The following BAIAP2 variants were observed in gnomAD, a reference collection of about 807,000 sequenced individuals.
BAIAP2 encodes BAR/IMD domain containing adaptor protein 2.
BAIAP2 carries 18 observed loss-of-function variants against 63.0 expected under a neutral mutation model. That is an observed-to-expected ratio of 0.29 (90% CI 0.20 to 0.42). The LOEUF (loss-of-function observed/expected upper bound fraction) is 0.42. BAIAP2 is among the 10% of genes least tolerant of loss of function. The probability of loss-of-function intolerance (pLI) is 1.00; values close to 1 mark genes in which losing one functional copy is unlikely to be tolerated. For missense variants in BAIAP2, 610 were observed against 734.3 expected (o/e 0.83, Z 1.96); for synonymous variants, 386 against 307.6 (o/e 1.25, Z -2.67).
chr17:81,073,075 C>A (rs1359189995), intron 3 of BAIAP2, among the ~76,000 whole-genome samples: 2 of 152,106 alleles, frequency 1.3e-5, no homozygotes, highest in Non-Finnish European at 2.9e-5. Flanking sequence ...AGGGTACCTG[C>A]TCTGGGGCCC....
At chr17:81,110,811 G>A (rs968021643) in intron 13 of BAIAP2, 2 of 1,467,448 alleles carry the variant, frequency 1.4e-6, no homozygotes, top group Admixed American at 1.7e-5. Flanking sequence ...AGTGCTCCAG[G>A]GTTCTAGGTC....
In BAIAP2 at chr17:81,065,558, C is replaced by T. The variant is rs148539429; in HGVS notation, c.217+7591C>T. ...AGGACAGCTGTCCAGTCTGCCTCACCGACAGCTGTGGTTTGCAGTGTCCTG... is the reference window on the plus strand; with the variant it reads ...AGGACAGCTGTCCAGTCTGCCTCACTGACAGCTGTGGTTTGCAGTGTCCTG... On this transcript the variant is annotated intron_variant, in intron 3 of 13. Transcript: ENST00000428708. Among the ~76,000 whole-genome samples, 449 of 152,292 alleles carry T rather than the reference C, an allele frequency of 2.9e-3. 3 individuals are homozygous for T. Among genetic ancestry groups the T allele is most frequent in the Middle Eastern group, 0.014 (4 of 294 alleles).
chr17:81,093,705 T>C (rs1458923424), intron 6 of BAIAP2, among the ~76,000 whole-genome samples: 1 of 152,040 alleles, frequency 6.6e-6, no homozygotes, highest in African/African-American at 2.4e-5. Flanking sequence ...TCTCTGGGTG[T>C]GCGAGGCCTA....
rs760310435 is a variant in BAIAP2, at chr17:81,035,244, G to C, written c.-11G>C. 2 of 1,510,670 alleles carry C rather than the reference G, an allele frequency of 1.3e-6. No individual in the cohort carries two copies. Among genetic ancestry groups the C allele is most frequent in the Admixed American group, 1.9e-5 (1 of 51,448 alleles). 93.6% of individuals were successfully genotyped at this position (1,510,670 alleles called of 1,614,324 possible). A position where few individuals can be genotyped will look rare whatever the true frequency, so the allele number is the denominator to read the frequency against. On this transcript the variant is annotated 5_prime_UTR_variant, in exon 1 of 14. Transcript: ENST00000428708. ...CCGCTCCGGTCTGTGGTGCAGCCGG[G>C]ACCCAGGACCATGTCTCTGTCTCGC...
At position 81,115,929 on chromosome 17, in the gene BAIAP2, A is replaced by G; in HGVS notation, c.*90A>G. The G allele has an allele frequency of 6.4e-7, 1 of 1,571,848 alleles. No individual in the cohort carries two copies. The highest frequency in any genetic ancestry group is 2.3e-5 in the East Asian group (1 of 43,768). On this transcript the variant is annotated 3_prime_UTR_variant, in exon 14 of 14. Transcript: ENST00000428708. ...TCATCATCTGTGCGTTCCTGTGTAG[A>G]GAACATCCAGGCCCCGGCTGCCTGG...
intron 1 of BAIAP2, 172 bp from the exon 2 acceptor site, chr17:81,053,496 A>T: frequency 1.5e-6 from 1 of 675,004 alleles, no homozygotes; most frequent in Non-Finnish European, 2.6e-6. Context: ...TCCCAAGGAC[A>T]TTGATCAGGG....
Position 81,057,979 on chromosome 17 carries a change from C to CCT in BAIAP2, c.217+13_217+14insTC. Reference sequence around the variant, plus strand: ...CTCCAAAGAACTCGGTGAGACCCCCCCCCCCCCCCCGCCTGGTAGTCGCCT... The same window carrying CCT: ...CTCCAAAGAACTCGGTGAGACCCCCCCTCCCCCCCCCCGCCTGGTAGTCGCCT... On this transcript the variant is annotated intron_variant, in intron 3 of 13. Transcript: ENST00000428708. 3 of 1,084,604 alleles carry CCT rather than the reference C, an allele frequency of 2.8e-6. 1 individual carries two copies. Among genetic ancestry groups the CCT allele is most frequent in the Non-Finnish European group, 3.7e-6 (3 of 821,744 alleles). 67.2% of individuals were successfully genotyped at this position (1,084,604 alleles called of 1,614,324 possible).
chr17:81,088,763 C>G (rs2056179561), intron 6 of BAIAP2, among the ~76,000 whole-genome samples: 2 of 152,262 alleles, frequency 1.3e-5, no homozygotes, highest in South Asian at 4.1e-4. Flanking sequence ...ACCGGAGGCT[C>G]CATCCTGCTC....
At chr17:81,052,623 T>C (rs1180650140) in intron 1 of BAIAP2, among the ~76,000 whole-genome samples, 1 of 152,226 alleles carries the variant, frequency 6.6e-6, no homozygotes, top group African/African-American at 2.4e-5. Flanking sequence ...AATAGCGGGT[T>C]TTCTGGAGGC....
intron 13 of BAIAP2, 32 bp downstream of exon 13, chr17:81,108,541 C>T (rs199860271): frequency 1.3e-5 from 21 of 1,613,520 alleles, no homozygotes; most frequent in African/African-American, 1.1e-4. Context: ...TCTTTGGGAC[C>T]GTGGGTGGGT....
intron 13 of BAIAP2, 90 bp from the exon 14 acceptor site, chr17:81,115,679 TG>T: frequency 1.3e-6 from 2 of 1,487,752 alleles, no homozygotes; most frequent in Non-Finnish European, 1.9e-6. Context: ...CATCCAGCAC[TG>T]GGGAATCCCT....
At chr17:81,052,118 CT>C (rs1410291848) in intron 1 of BAIAP2, among the ~76,000 whole-genome samples, 1 of 152,216 alleles carries the variant, frequency 6.6e-6, no homozygotes, top group Non-Finnish European at 1.5e-5. Flanking sequence ...CCCTGGGCCC[CT>C]TCCACCCTCA....
intron 13 of BAIAP2, among the ~76,000 whole-genome samples, chr17:81,113,653 A>G (rs1221259272): frequency 6.6e-6 from 1 of 150,982 alleles, no homozygotes; most frequent in Non-Finnish European, 1.5e-5. Flanking sequence ...GAGATTGGAC[A>G]CAGCATTTGC....
At chr17:81,061,808 C>T (rs191135411) in intron 3 of BAIAP2, among the ~76,000 whole-genome samples, 69 of 152,268 alleles carry the variant, frequency 4.5e-4, no homozygotes, top group African/African-American at 1.6e-3. Context: ...TTCGAATCTT[C>T]CCCCTTTGTT....
intron 3 of BAIAP2, among the ~76,000 whole-genome samples, chr17:81,074,565 G>A (rs973161155): frequency 5.9e-5 from 9 of 151,792 alleles, no homozygotes; most frequent in African/African-American, 1.9e-4. Flanking sequence ...GTGCCTGTTC[G>A]TGTGCGTGCA....
At chr17:81,036,683 GGGTGACCT>G (rs2046313841) in intron 1 of BAIAP2, among the ~76,000 whole-genome samples, 1 of 152,266 alleles carries the variant, frequency 6.6e-6, no homozygotes, top group South Asian at 2.1e-4. Flanking sequence ...ACAGGATTCA[GGGTGACCT>G]GAGGAGTCGG....
At chr17:81,074,946 G>T (rs954128857) in intron 3 of BAIAP2, among the ~76,000 whole-genome samples, 4 of 152,262 alleles carry the variant, frequency 2.6e-5, no homozygotes, top group African/African-American at 9.6e-5. Flanking sequence ...GGTTGGAAAG[G>T]TTGGGCTGGG....
intron 6 of BAIAP2, among the ~76,000 whole-genome samples, chr17:81,099,564 G>C (rs974110956): frequency 6.6e-6 from 1 of 152,158 alleles, no homozygotes; most frequent in Admixed American, 6.5e-5. Context: ...CCACACCCAG[G>C]CTTCTGTGCC....
At position 81,057,977 on chromosome 17, in the gene BAIAP2, C is replaced by CA. The variant is rs2049881843; in HGVS notation, c.217+10_217+11insA. The CA allele has an allele frequency of 7.8e-6, 3 of 385,292 alleles. No homozygotes were observed. The highest frequency in any genetic ancestry group is 1.1e-5 in the Non-Finnish European group (3 of 279,442). The allele number at this position is 385,292 out of a possible 1,614,324, so 23.9% of individuals were successfully genotyped here. ...GGCTCCAAAGAACTCGGTGAGACCC[C>CA]CCCCCCCCCCCCGCCTGGTAGTCGC... On this transcript the variant is annotated intron_variant, in intron 3 of 13. Transcript: ENST00000428708.
Sources: allele counts gnomAD v4.1 joint callset (sites outside exome capture counted in the v4.1 genomes callset), GRCh38; gene constraint gnomAD v4.1.1; transcripts MANE v1.5; gene names NCBI Gene and HGNC (gene_info 2026-07-23, HGNC 2026-07-21).